The following GEMIN4 variants were observed in gnomAD, a reference collection of about 807,000 sequenced individuals.
The protein encoded by GEMIN4 is gem nuclear organelle associated protein 4.
Under a neutral mutation model 76.8 loss-of-function variants are expected in GEMIN4, and 59 were observed. The observed-to-expected ratio is 0.77, with a 90% CI of 0.62 to 0.95. The LOEUF is 0.95. Among genes scored for constraint, GEMIN4 ranks in the 40% least tolerant of loss-of-function variants. GEMIN4 has a pLI of 0.00. For missense variants in GEMIN4, 1,311 were observed against 1,318.9 expected (o/e 0.99, Z 0.09); for synonymous variants, 562 against 559.7 (o/e 1.00, Z -0.06).
intron 1 of GEMIN4, chr17:749,793 C>T: frequency 1.0e-6 from 1 of 994,052 alleles, no homozygotes; most frequent in African/African-American, 1.7e-5. Context: ...CAAGCCCTGC[C>T]TTCACTCTTT....
upstream of GEMIN4, chr17:752,633 T>C (rs1346565191): frequency 5.0e-6 from 5 of 1,005,044 alleles, no homozygotes; most frequent in African/African-American, 8.6e-5. Context: ...CTCAACGCGC[T>C]CCTGCCGCGC....
intron 1 of GEMIN4, among the ~76,000 whole-genome samples, chr17:751,056 G>C (rs562640266): frequency 3.5e-4 from 53 of 152,336 alleles, no homozygotes; most frequent in Non-Finnish European, 6.8e-4. Context: ...GTTTGAAGTA[G>C]TAAGTCCCAG....
chr17:752,575 A>C, upstream of GEMIN4: 1 of 799,526 alleles, frequency 1.3e-6, no homozygotes, highest in South Asian at 5.8e-5. Flanking sequence ...CGGCCGCACC[A>C]CGCGAGGCTT....
chr17:746,328 A>C lies in GEMIN4; in HGVS notation c.1715T>G (p.Leu572Arg), dbSNP rs775642910. The C allele has an allele frequency of 5.0e-6, 8 of 1,613,644 alleles. No homozygotes were observed. The highest frequency in any genetic ancestry group is 6.8e-6 in the Non-Finnish European group (8 of 1,179,900). Residue 572 changes from leucine (L) to arginine (R), a missense_variant, in exon 2 of 2, where the codon CTC becomes CGC. Physicochemically the swap from Leu to Arg is moderately radical, Grantham distance 102. This residue lies in a region of GEMIN4 where 1,208 missense variants were observed against 1,166.9 expected (regional missense o/e 1.04). Transcript: ENST00000319004. The surrounding 1 kb of genome is among the most constrained non-coding windows in gnomAD (Gnocchi z 4.3). ...CTGGGCCAGGAACTTGTGGGTGCCG[A>C]GATTGACCACAGCCAGGCTGCACAT... ...KKMCSLAVVN[L>R]GTHKFLAQIL... is the part of the protein sequence containing the mutation.
At position 746,592 on chromosome 17, in the gene GEMIN4, AG is replaced by A; in HGVS notation, c.1450del (p.Leu484TrpfsTer71). 1 of 1,613,642 alleles carries A rather than the reference AG, an allele frequency of 6.2e-7. No homozygotes were observed. Reference sequence around the variant, plus strand: ...CAGGGAGAGGTCTGCGTAACATTCCAGGATCAGGTGGATCACCTGCCGGATC... The same window carrying A: ...CAGGGAGAGGTCTGCGTAACATTCCAGATCAGGTGGATCACCTGCCGGATC... ...SQIRQVIHLI[L>X]ECYADLSLPG... On this transcript the variant is annotated frameshift_variant, in exon 2 of 2. Coordinates refer to ENST00000319004, the MANE Select transcript of GEMIN4 (RefSeq NM_015721.3). LOFTEE classifies it high-confidence loss of function. This position sits in a 1 kb window ranked among gnomAD's most constrained non-coding sequence, Gnocchi z 4.3.
At chr17:753,408 T>C (rs1244388074), upstream of GEMIN4, 8 of 141,890 alleles carry the variant, frequency 5.6e-5, no homozygotes, top group Non-Finnish European at 1.1e-4. Flanking sequence ...AAGAAGGAAG[T>C]GGGGGGCGTG....
rs768293097 is a variant in GEMIN4 at position 745,283 on chromosome 17, C to G, written c.2760G>C (p.Gln920His). 6.2e-7 allele frequency: 1 copy of G among 1,612,072 alleles called. No individual in the cohort carries two copies. Among genetic ancestry groups the G allele is most frequent in the Non-Finnish European group, 8.5e-7 (1 of 1,179,554 alleles). ...CACGACAGCTATGGCTGCAGAGAAA[C>G]TGGAAAGTCCTCAGGAAGAGGACGG... ...QLSVLFLRTF[Q>H]FLCSHSCRDW... is the part of the protein sequence containing the mutation. Residue 920 changes from glutamine (Q) to histidine (H), a missense_variant, in exon 2 of 2, where the codon CAG (glutamine) becomes CAC (histidine). Physicochemically the swap from Gln to His is conservative, Grantham distance 24. Around this residue, in one of 2 missense-constraint regions of GEMIN4, gnomAD observed 1,208 missense variants for 1,166.9 expected, o/e 1.04. Coordinates refer to ENST00000319004, the MANE Select transcript of GEMIN4 (RefSeq NM_015721.3). This position sits in a 1 kb window ranked among gnomAD's most constrained non-coding sequence, Gnocchi z 4.6.
chr17:748,419 G>T, intron 1 of GEMIN4: 1 of 202,590 alleles, frequency 4.9e-6, no homozygotes, highest in Non-Finnish European at 1.0e-5. Context: ...AGAGGTATCT[G>T]CCCAGAGGGG....
rs760703859 is a variant in GEMIN4, at chr17:746,907, A to T, written c.1136T>A (p.Leu379Gln). 1.9e-6 allele frequency: 3 copies of T among 1,613,718 alleles called. No homozygotes were observed. The South Asian group carries it at 3.3e-5, about 18-fold the overall frequency. Residue 379 changes from leucine (L) to glutamine (Q), a missense_variant, in exon 2 of 2, where the codon CTG (leucine) becomes CAG (glutamine). Transcript: ENST00000319004. The surrounding 1 kb of genome is among the most constrained non-coding windows in gnomAD (Gnocchi z 4.3). ...SKEDRQVVSE[L>Q]AECVRDFLRK... ...CAGGAAGTCCCTGACACACTCCGCCAGCTCAGAGACCACCTGCCTGTCCTC... is the reference window on the plus strand; with the variant it reads ...CAGGAAGTCCCTGACACACTCCGCCTGCTCAGAGACCACCTGCCTGTCCTC...
Position 747,930 on chromosome 17 carries a change from T to A in GEMIN4, c.113A>T (p.Asp38Val), listed in dbSNP as rs1904360363. The A allele has an allele frequency of 6.2e-7, 1 of 1,613,694 alleles. No homozygotes were observed. The highest frequency in any genetic ancestry group is 1.1e-5 in the South Asian group (1 of 91,026). The change falls in exon 2 of 2, where the codon GAC becomes GTC. Residue 38 changes from aspartate (D) to valine (V), a missense_variant. Physicochemically the swap from Asp to Val is radical, Grantham distance 152. Coordinates refer to ENST00000319004, the MANE Select transcript of GEMIN4 (RefSeq NM_015721.3). ...GATGGGCCGTCCAACACGTTCCCAG[T>A]CAGACTTTGTTAATTCTGCCAGTGC... ...PKALAELTKS[D>V]WERVGRPIVE...
rs1904321704 is a variant in GEMIN4, at chr17:747,519, T to C, written c.524A>G (p.Gln175Arg). ...ACTAAACTGGGAGAGCAGGGGGTCC[T>C]GCGGGTGACCCTTGTGCTTCATCAC... ...WEVMKHKGHP[Q>R]DPLLSQFSAM... is the part of the protein sequence containing the mutation. Residue 175 changes from glutamine to arginine, a missense_variant, in exon 2 of 2, where the codon CAG becomes CGG. Around this residue, in one of 2 missense-constraint regions of GEMIN4, gnomAD observed 1,208 missense variants for 1,166.9 expected, o/e 1.04. Coordinates refer to ENST00000319004, the MANE Select transcript of GEMIN4 (RefSeq NM_015721.3). 4 of 1,613,800 alleles carry C rather than the reference T, an allele frequency of 2.5e-6. 1 individual carries two copies. The highest frequency in any genetic ancestry group is 2.2e-5 in the South Asian group (2 of 91,078).
chr17:745,675 G>A lies in GEMIN4; in HGVS notation c.2368C>T (p.Leu790Phe). Residue 790 changes from leucine (L) to phenylalanine (F), a missense_variant, in exon 2 of 2, where the codon CTT (leucine) becomes TTT (phenylalanine). This residue lies in a region of GEMIN4 where 1,208 missense variants were observed against 1,166.9 expected (regional missense o/e 1.04). Coordinates refer to ENST00000319004, the MANE Select transcript of GEMIN4 (RefSeq NM_015721.3). This position sits in a 1 kb window ranked among gnomAD's most constrained non-coding sequence, Gnocchi z 4.6. ...TCTGAAAGCTTACAGATCTCAAAAAGTGTGGCTGGCACTTCACACTTGAAG... is the reference window on the plus strand; with the variant it reads ...TCTGAAAGCTTACAGATCTCAAAAAATGTGGCTGGCACTTCACACTTGAAG... ...GHFKCEVPAT[L>F]FEICKLSEDE... 6.3e-7 allele frequency: 1 copy of A among 1,596,110 alleles called. No individual in the cohort carries two copies. The highest frequency in any genetic ancestry group is 8.5e-7 in the Non-Finnish European group (1 of 1,171,852).
At chr17:751,995 T>C in intron 1 of GEMIN4, 138 bp downstream of exon 1, 1 of 581,656 alleles carries the variant, frequency 1.7e-6, no homozygotes, top group Non-Finnish European at 2.5e-6. Context: ...CCGGGACCCC[T>C]AGACCCGCCC....
chr17:746,189 G>A lies in GEMIN4; in HGVS notation c.1854C>T (p.Pro618=). 6.2e-7 allele frequency: 1 copy of A among 1,613,824 alleles called. No individual in the cohort carries two copies. ...KETVWMKFST[P]KEEKQFLELL... is the part of the protein sequence containing the mutation. ...GCTCTAAAAATTGCTTTTCTTCCTT[G>A]GGTGTAGAGAACTTCATCCAGACGG... The change falls in exon 2 of 2, where the codon CCC becomes CCT. Residue 618 remains proline, a synonymous_variant. Transcript: ENST00000319004. The surrounding 1 kb of genome is among the most constrained non-coding windows in gnomAD (Gnocchi z 4.3).
chr17:750,285 C>T (rs528521937), intron 1 of GEMIN4, among the ~76,000 whole-genome samples: 1 of 152,264 alleles, frequency 6.6e-6, no homozygotes, highest in Admixed American at 6.5e-5. Flanking sequence ...TCATGTTATG[C>T]CTTTGGGGAT....
intron 1 of GEMIN4, 118 bp from the exon 2 acceptor site, chr17:748,150 G>T: frequency 1.3e-6 from 1 of 769,932 alleles, no homozygotes; most frequent in Non-Finnish European, 2.0e-6. Flanking sequence ...CAGCGGACGG[G>T]GAGAAGGGAT....
chr17:752,015 G>C (rs1904737894), intron 1 of GEMIN4, 118 bp downstream of exon 1: 2 of 697,356 alleles, frequency 2.9e-6, no homozygotes, highest in East Asian at 3.5e-5. Context: ...CCGACGCGGG[G>C]GACGTTTCGG....
In GEMIN4 at chr17:745,460, C is replaced by T. The variant is rs1467864125; in HGVS notation, c.2583G>A (p.Met861Ile). The T allele has an allele frequency of 6.2e-7, 1 of 1,612,350 alleles. No individual in the cohort carries two copies. Among genetic ancestry groups the T allele is most frequent in the Admixed American group, 1.7e-5 (1 of 60,024 alleles). Residue 861 changes from methionine (M) to isoleucine (I), a missense_variant, in exon 2 of 2, where the codon ATG (methionine) becomes ATA (isoleucine). Transcript: ENST00000319004. This position sits in a 1 kb window ranked among gnomAD's most constrained non-coding sequence, Gnocchi z 4.6. Reference protein sequence around the residue: ...KGFLVALVQVMPWCSPQEWQR... With the variant: ...KGFLVALVQVIPWCSPQEWQR... ...GCCACTCCTGAGGGCTGCACCAAGG[C>T]ATGACTTGCACCAGGGCCACCAGAA...
Position 747,270 on chromosome 17 carries a change from T to C in GEMIN4, c.773A>G (p.Gln258Arg), listed in dbSNP as rs61753060. Reference protein sequence around the residue: ...TVFALTEDDPQEVSATVYLDK... With the variant: ...TVFALTEDDPREVSATVYLDK... ...CAGATACACGGTTGCAGACACCTCC[T>C]GGGGGTCGTCCTCTGTCAGCGCAAA... The change falls in exon 2 of 2, where the codon CAG (glutamine) becomes CGG (arginine). Residue 258 changes from glutamine to arginine, a missense_variant. Physicochemically the swap from Gln to Arg is conservative, Grantham distance 43. Transcript: ENST00000319004. 17,732 of 1,613,660 alleles carry C rather than the reference T, an allele frequency of 0.011. 224 individuals are homozygous for C. The highest frequency in any genetic ancestry group is 0.071 in the East Asian group (3,181 of 44,864).
Sources: gnomAD v4.1 joint callset for allele counts (sites outside exome capture counted in the v4.1 genomes callset) on GRCh38, gnomAD v4.1.1 for gene constraint, gnomAD v4.1.1 regional missense constraint, Gnocchi (gnomAD v3.1) non-coding constraint, MANE v1.5 for transcripts, NCBI Gene and HGNC (gene_info 2026-07-23, HGNC 2026-07-21) for gene names.